Variants in HPGDS observed in about 807,000 individuals in gnomAD.
HPGDS encodes the protein GST class-sigma.
In HPGDS, 26 loss-of-function variants were observed where a neutral mutation model predicts 23.1. That is an observed-to-expected ratio of 1.13 (90% confidence interval 0.83 to 1.56). The LOEUF (loss-of-function observed/expected upper bound fraction) is 1.56. HPGDS is among the 40% of genes most tolerant of loss of function. The pLI, the probability that HPGDS is intolerant of heterozygous loss-of-function variation, is 0.00. For missense variants in HPGDS, 268 were observed against 236.4 expected (o/e 1.13, Z -0.88); for synonymous variants, 95 against 77.9 (o/e 1.22, Z -1.16).
intron 1 of HPGDS, among the ~76,000 whole-genome samples, chr4:94,338,161 C>T (rs1331084981): frequency 1.3e-5 from 2 of 152,246 alleles, no homozygotes; most frequent in African/African-American, 2.4e-5. Context: ...CAGTGGCTCA[C>T]GTCTGTAATC....
intron 1 of HPGDS, among the ~76,000 whole-genome samples, chr4:94,336,556 G>A (rs957079615): frequency 9.2e-5 from 14 of 152,142 alleles, no homozygotes; most frequent in African/African-American, 2.7e-4. Flanking sequence ...AGCATTCACC[G>A]CATATATAGA....
At chr4:94,330,747 T>C (rs996843197) in intron 2 of HPGDS, among the ~76,000 whole-genome samples, 2 of 151,942 alleles carry the variant, frequency 1.3e-5, no homozygotes, top group Admixed American at 1.3e-4. Context: ...AAAATATCCT[T>C]ATTTTTGTCA....
intron 3 of HPGDS, among the ~76,000 whole-genome samples, chr4:94,311,884 G>T (rs1295295683): frequency 6.6e-6 from 1 of 151,332 alleles, no homozygotes; most frequent in Non-Finnish European, 1.5e-5. Flanking sequence ...TATGTGTCGA[G>T]GAATGTATCC....
chr4:94,311,183 A>G (rs1442159068), intron 3 of HPGDS, among the ~76,000 whole-genome samples: 1 of 152,008 alleles, frequency 6.6e-6, no homozygotes, highest in Non-Finnish European at 1.5e-5. Flanking sequence ...GTTGAATAGG[A>G]GTGGTGTGAG....
intron 5 of HPGDS, among the ~76,000 whole-genome samples, chr4:94,300,951 GGA>G (rs903920817): frequency 1.3e-5 from 2 of 152,130 alleles, no homozygotes; most frequent in African/African-American, 4.8e-5. Flanking sequence ...TGTGAAGAAG[GGA>G]GAGAGTGCCC....
At chr4:94,303,533 A>G (rs1756084381) in intron 4 of HPGDS, among the ~76,000 whole-genome samples, 3 of 152,106 alleles carry the variant, frequency 2.0e-5, no homozygotes, top group African/African-American at 7.2e-5. Context: ...TTTTGACTTT[A>G]TGTTCTTTCC....
chr4:94,322,705 A>G (rs1255557653), intron 2 of HPGDS, among the ~76,000 whole-genome samples: 1 of 152,076 alleles, frequency 6.6e-6, no homozygotes, highest in Non-Finnish European at 1.5e-5. Flanking sequence ...GATCTTTTCA[A>G]AAAATAAGCT....
rs1756191908 is a variant in HPGDS at position 94,308,729 on chromosome 4, T to A, written c.241A>T (p.Thr81Ser). 2 of 1,591,214 alleles carry A rather than the reference T, an allele frequency of 1.3e-6. No homozygotes were observed. The highest frequency in any genetic ancestry group is 1.3e-5 in the African/African-American group (1 of 74,474). Residue 81 changes from threonine to serine, a missense_variant, in exon 4 of 6, where the codon ACA becomes TCA. Coordinates refer to ENST00000295256, the MANE Select transcript of HPGDS (RefSeq NM_014485.3). ...TCAACATGACATTGTTCCATTTCTG[T>A]GTTTCCAGCCAAATCTGTGGAATAG... ...LTKNTDLAGNTEMEQCHVDAI... is the reference protein window; with the variant it reads ...LTKNTDLAGNSEMEQCHVDAI...
At chr4:94,313,164 A>G (rs1443291875) in intron 3 of HPGDS, among the ~76,000 whole-genome samples, 2 of 152,112 alleles carry the variant, frequency 1.3e-5, no homozygotes, top group Non-Finnish European at 2.9e-5. Context: ...TTATGTGTGA[A>G]TTTGATCCTG....
intron 2 of HPGDS, among the ~76,000 whole-genome samples, chr4:94,321,436 T>C (rs1027239553): frequency 1.7e-4 from 26 of 152,140 alleles, no homozygotes; most frequent in African/African-American, 4.6e-4. Flanking sequence ...TCTTTTATTT[T>C]GTTGAGCAGT....
At chr4:94,340,260 C>CCT (rs1553926287) in intron 1 of HPGDS, among the ~76,000 whole-genome samples, 6 of 81,442 alleles carry the variant, frequency 7.4e-5, no homozygotes, top group Non-Finnish European at 1.2e-4. Context: ...CTGGTCTAAA[C>CCT]CTTTCTTTCT....
chr4:94,316,611 C>CTT, intron 3 of HPGDS, among the ~76,000 whole-genome samples: 1 of 152,322 alleles, frequency 6.6e-6, no homozygotes, highest in Non-Finnish European at 1.5e-5. Context: ...CCAATCTATC[C>CTT]TTCTAAGCAT....
chr4:94,332,432 G>T (rs1396815314), intron 2 of HPGDS, among the ~76,000 whole-genome samples: 6 of 152,218 alleles, frequency 3.9e-5, no homozygotes, highest in African/African-American at 1.4e-4. Flanking sequence ...TGAGGCAAGA[G>T]GCCCACTGAG....
chr4:94,300,782 A>G (rs1353412990), intron 5 of HPGDS, among the ~76,000 whole-genome samples: 1 of 152,126 alleles, frequency 6.6e-6, no homozygotes, highest in Non-Finnish European at 1.5e-5. Flanking sequence ...AGGACTTTTT[A>G]AGAGGTGACA....
At chr4:94,314,124 C>G (rs1381803295) in intron 3 of HPGDS, among the ~76,000 whole-genome samples, 1 of 152,180 alleles carries the variant, frequency 6.6e-6, no homozygotes, top group Non-Finnish European at 1.5e-5. Flanking sequence ...CATCTGAAGC[C>G]TTCTTCTCTC....
At chr4:94,303,371 A>G (rs921911868) in intron 4 of HPGDS, among the ~76,000 whole-genome samples, 3 of 152,138 alleles carry the variant, frequency 2.0e-5, no homozygotes, top group African/African-American at 7.2e-5. Context: ...GGTATGCTCA[A>G]CCAGTAAGTA....
intron 4 of HPGDS, among the ~76,000 whole-genome samples, chr4:94,307,444 A>T (rs1227242357): frequency 6.6e-6 from 1 of 152,154 alleles, no homozygotes; most frequent in Non-Finnish European, 1.5e-5. Flanking sequence ...TCATAATCAT[A>T]TCTGCTGTCA....
chr4:94,330,130 G>A (rs1267121464), intron 2 of HPGDS, among the ~76,000 whole-genome samples: 1 of 152,126 alleles, frequency 6.6e-6, no homozygotes, highest in African/African-American at 2.4e-5. Flanking sequence ...TGCAAATCAG[G>A]GAATATAAAT....
intron 3 of HPGDS, among the ~76,000 whole-genome samples, chr4:94,312,294 C>G (rs189290506): frequency 3.2e-4 from 48 of 152,306 alleles, no homozygotes; most frequent in African/African-American, 1.1e-3. Context: ...AAATTTCCCT[C>G]TACACACTAC....
Sources: allele counts gnomAD v4.1 joint callset (sites outside exome capture counted in the v4.1 genomes callset), GRCh38; gene constraint gnomAD v4.1.1; transcripts MANE v1.5; gene names NCBI Gene and HGNC (gene_info 2026-07-23, HGNC 2026-07-21).